Variants in RBFOX1 observed in about 807,000 individuals in gnomAD.
The protein encoded by RBFOX1 is RNA binding protein fox-1 homolog 1.
RBFOX1 carries 8 observed loss-of-function variants against 57.7 expected under a neutral mutation model. That is an observed-to-expected ratio of 0.14 (90% CI 0.08 to 0.25). RBFOX1 has a LOEUF of 0.25. RBFOX1 is among the 10% of genes least tolerant of loss of function. The probability of loss-of-function intolerance (pLI) is 1.00; values close to 1 mark genes in which losing one functional copy is unlikely to be tolerated. For missense variants in RBFOX1, 611 were observed against 548.5 expected (o/e 1.11, Z -1.14); for synonymous variants, 326 against 222.4 (o/e 1.47, Z -4.15).
At chr16:6,908,786 C>G (rs1025792991) in intron 3 of RBFOX1, among the ~76,000 whole-genome samples, 7 of 152,154 alleles carry the variant, frequency 4.6e-5, no homozygotes, top group Non-Finnish European at 4.4e-5. Context: ...CTTACTGTCT[C>G]TCTGCCCAGT....
intron 1 of RBFOX1, among the ~76,000 whole-genome samples, chr16:6,040,914 A>T (rs1038504079): frequency 2.6e-5 from 4 of 152,256 alleles, no homozygotes; most frequent in African/African-American, 9.6e-5. Flanking sequence ...GCTGAATGCT[A>T]TTCCATTGTA....
intron 3 of RBFOX1, among the ~76,000 whole-genome samples, chr16:6,702,399 C>T (rs116942595): frequency 6.6e-6 from 1 of 152,096 alleles, no homozygotes; most frequent in Non-Finnish European, 1.5e-5. Flanking sequence ...ACTAAAAATA[C>T]AAAAATCTGC....
chr16:7,049,737 C>T (rs1229854404), intron 3 of RBFOX1, among the ~76,000 whole-genome samples: 1 of 152,098 alleles, frequency 6.6e-6, no homozygotes, highest in Non-Finnish European at 1.5e-5. Context: ...AAATAGCTCC[C>T]CCATGCATTC....
chr16:7,475,691 C>T (rs2062523755), intron 4 of RBFOX1, among the ~76,000 whole-genome samples: 1 of 152,154 alleles, frequency 6.6e-6, no homozygotes, highest in Non-Finnish European at 1.5e-5. Context: ...TCTGGGTTTG[C>T]TGCTTGCCAC....
At chr16:6,715,490 C>T (rs1157062683) in intron 3 of RBFOX1, among the ~76,000 whole-genome samples, 1 of 152,126 alleles carries the variant, frequency 6.6e-6, no homozygotes, top group Admixed American at 6.6e-5. Context: ...AGGTTATAAT[C>T]TATAAGGAGC....
At position 6,868,853 on chromosome 16, in the gene RBFOX1, A is replaced by G. The variant is rs149249625; in HGVS notation, c.-15-183204A>G. 3.2e-3 allele frequency among the ~76,000 whole-genome samples: 492 copies of G among 152,290 alleles called. 3 individuals are homozygous for G. The highest frequency in any genetic ancestry group is 6.2e-3 in the South Asian group (30 of 4,822). The stretch of plus-strand genomic sequence containing the variant: ...TTTGCCATATGACTTACTTTGACTA[A>G]TGAAATATGCAGGGAGGTGATGTGA... On this transcript the variant is annotated intron_variant, in intron 3 of 15. Transcript: ENST00000550418.
At chr16:6,027,339 C>T (rs2095215556) in intron 1 of RBFOX1, among the ~76,000 whole-genome samples, 1 of 152,098 alleles carries the variant, frequency 6.6e-6, no homozygotes, top group Non-Finnish European at 1.5e-5. Flanking sequence ...CAGTTCTCTT[C>T]CCCTGCTGTG....
chr16:7,053,661 C>T (rs1048577102), intron 4 of RBFOX1, among the ~76,000 whole-genome samples: 4 of 152,084 alleles, frequency 2.6e-5, no homozygotes, highest in African/African-American at 4.8e-5. Flanking sequence ...GATTATTTCC[C>T]ATTTATGAGT....
At chr16:7,532,641 T>A (rs756728813) in intron 5 of RBFOX1, among the ~76,000 whole-genome samples, 1 of 152,198 alleles carries the variant, frequency 6.6e-6, no homozygotes, top group Non-Finnish European at 1.5e-5. Context: ...GCTTTTAACA[T>A]CAGCAGAAGT....
At chr16:7,148,720 T>C (rs1332355270) in intron 4 of RBFOX1, among the ~76,000 whole-genome samples, 2 of 152,222 alleles carry the variant, frequency 1.3e-5, no homozygotes, top group Admixed American at 1.3e-4. Context: ...GATCTCAAAA[T>C]GAGGCAATCG....
At chr16:6,568,013 G>T (rs1427098222) in intron 2 of RBFOX1, among the ~76,000 whole-genome samples, 2 of 152,014 alleles carry the variant, frequency 1.3e-5, no homozygotes, top group South Asian at 2.1e-4. Context: ...GTAGAGGTAG[G>T]GTCTGACTAT....
chr16:5,919,736 C>T (rs965913421), intron 4 of RBFOX1, among the ~76,000 whole-genome samples: 3 of 152,174 alleles, frequency 2.0e-5, no homozygotes, highest in African/African-American at 7.2e-5. Context: ...ATTTTCATTT[C>T]TCCAAAGGAA....
chr16:7,665,059 T>C (rs1379853028), intron 13 of RBFOX1, 91 bp downstream of exon 13: 15 of 1,611,216 alleles, frequency 9.3e-6, no homozygotes, highest in African/African-American at 2.7e-5. Flanking sequence ...CTTGGCGTAG[T>C]TGAGTTTCTC....
At chr16:7,708,028 A>C (rs899671218) in intron 14 of RBFOX1, among the ~76,000 whole-genome samples, 3 of 152,186 alleles carry the variant, frequency 2.0e-5, no homozygotes, top group Non-Finnish European at 4.4e-5. Flanking sequence ...TGGACCAAGC[A>C]CGCAAGTTGC....
intron 4 of RBFOX1, among the ~76,000 whole-genome samples, chr16:5,922,868 A>C (rs1020908120): frequency 3.9e-5 from 6 of 152,212 alleles, no homozygotes; most frequent in Admixed American, 3.3e-4. Flanking sequence ...AAAGATTGCA[A>C]CCACTGGGCT....
rs1266357650 is a variant in RBFOX1 at position 5,947,329 on chromosome 16, C to G, written c.351+79994C>G. Among the ~76,000 whole-genome samples, 1 of 152,166 alleles carries G rather than the reference C, an allele frequency of 6.6e-6. No homozygotes were observed. Among genetic ancestry groups the G allele is most frequent in the Admixed American group, 6.5e-5 (1 of 15,268 alleles). On this transcript the variant is annotated intron_variant, in intron 4 of 19. Coordinates refer to the RBFOX1 transcript ENST00000641259. The surrounding 1 kb of genome is among the most constrained non-coding windows in gnomAD (Gnocchi z 7.2). The stretch of plus-strand genomic sequence containing the variant: ...GGTCAGATCGCCATCGAATGGACAC[C>G]TCTTTTTACAACCATGTGTTCTACA...
chr16:6,970,780 A>G (rs968043135), intron 3 of RBFOX1, among the ~76,000 whole-genome samples: 1 of 152,152 alleles, frequency 6.6e-6, no homozygotes, highest in Non-Finnish European at 1.5e-5. Context: ...TTTAACCTGA[A>G]TTGGGTCTTA....
intron 3 of RBFOX1, among the ~76,000 whole-genome samples, chr16:6,928,214 T>A (rs1310224468): frequency 6.6e-6 from 1 of 152,216 alleles, no homozygotes; most frequent in Non-Finnish European, 1.5e-5. Context: ...GTCTGGGTAC[T>A]GCCCCCGAAG....
chr16:7,202,997 A>C (rs376157780), intron 4 of RBFOX1, among the ~76,000 whole-genome samples: 197 of 152,270 alleles, frequency 1.3e-3, no homozygotes, highest in African/African-American at 4.5e-3. Context: ...CGTGTGAGCC[A>C]GGATGGTCTG....
Sources: allele counts gnomAD v4.1 joint callset (sites outside exome capture counted in the v4.1 genomes callset), GRCh38; gene constraint gnomAD v4.1.1; non-coding constraint Gnocchi (gnomAD v3.1); transcripts MANE v1.5; gene names NCBI Gene and HGNC (gene_info 2026-07-23, HGNC 2026-07-21).